RAPGEF6: variants seen among roughly 807,000 people sequenced by gnomAD.
RAPGEF6 encodes Rap guanine nucleotide exchange factor 6.
Under a neutral mutation model 171.4 loss-of-function variants are expected in RAPGEF6, and 56 were observed. The ratio of observed to expected loss-of-function variants is 0.33; its 90% CI spans 0.26 to 0.41. RAPGEF6 has a LOEUF of 0.41. Among genes scored for constraint, RAPGEF6 ranks in the 10% least tolerant of loss-of-function variants. The probability of loss-of-function intolerance (pLI) is 1.00; values close to 1 mark genes in which losing one functional copy is unlikely to be tolerated. For missense variants in RAPGEF6, 1,674 were observed against 1,921.4 expected (o/e 0.87, Z 2.41); for synonymous variants, 692 against 650.1 (o/e 1.06, Z -0.98).
chr5:131,469,862 C>G (rs748991265), intron 17 of RAPGEF6: 1 of 1,471,562 alleles, frequency 6.8e-7, no homozygotes. Context: ...CAATCAAAAA[C>G]AAACTTACAG....
chr5:131,549,160 T>C (rs2149950849), intron 5 of RAPGEF6, among the ~76,000 whole-genome samples: 1 of 152,286 alleles, frequency 6.6e-6, no homozygotes, highest in South Asian at 2.1e-4. Context: ...GCACTGCCTG[T>C]CCAATCACAG....
chr5:131,505,186 T>C (rs1192006610), intron 10 of RAPGEF6, among the ~76,000 whole-genome samples, 178 bp downstream of exon 10: 1 of 152,150 alleles, frequency 6.6e-6, no homozygotes, highest in South Asian at 2.1e-4. Flanking sequence ...TGAAAACTTA[T>C]AGCTTGTTAA....
intron 4 of RAPGEF6, among the ~76,000 whole-genome samples, chr5:131,574,605 C>A (rs1450710730): frequency 6.6e-6 from 1 of 152,104 alleles, no homozygotes; most frequent in Non-Finnish European, 1.5e-5. Context: ...GTTCTCCCCA[C>A]CTGCCCAGTT....
Position 131,427,208 on chromosome 5 carries a change from G to A in RAPGEF6, c.*58C>T, listed in dbSNP as rs1247605931. 12 of 1,504,242 alleles carry A rather than the reference G, an allele frequency of 8.0e-6. No homozygotes were observed. The highest frequency in any genetic ancestry group is 3.4e-5 in the South Asian group (3 of 88,666). The allele number at this position is 1,504,242 out of a possible 1,614,324, so 93.2% of individuals were successfully genotyped here. Reference sequence around the variant, plus strand: ...TAGCAATGGCCTGCAGAATCATGAGGTGGTTCTTGCCCATTCCTCCACGAC... The same window carrying A: ...TAGCAATGGCCTGCAGAATCATGAGATGGTTCTTGCCCATTCCTCCACGAC... On this transcript the variant is annotated 3_prime_UTR_variant, in exon 28 of 28. Coordinates refer to ENST00000509018, the MANE Select transcript of RAPGEF6 (RefSeq NM_016340.6).
chr5:131,594,764 G>A (rs1763795992), intron 3 of RAPGEF6, among the ~76,000 whole-genome samples: 1 of 152,214 alleles, frequency 6.6e-6, no homozygotes, highest in African/African-American at 2.4e-5. Context: ...AGTCAACGGA[G>A]GTTATTTGGA....
At chr5:131,489,101 C>T (rs1379536807) in intron 15 of RAPGEF6, among the ~76,000 whole-genome samples, 2 of 152,156 alleles carry the variant, frequency 1.3e-5, no homozygotes, top group Non-Finnish European at 2.9e-5. Context: ...TAAGTCAATG[C>T]TTTACTCAGT....
chr5:131,635,091 C>A lies in RAPGEF6; in HGVS notation c.-61G>T. On this transcript the variant is annotated 5_prime_UTR_variant, in exon 1 of 28. Coordinates refer to ENST00000509018, the MANE Select transcript of RAPGEF6 (RefSeq NM_016340.6). ...CAGCCCACGCCACAGTTCATTCACA[C>A]TAGGTAGCGGGTGCGGTACCTTTCC... The A allele has an allele frequency of 6.7e-7, 1 of 1,500,192 alleles. No homozygotes were observed. Among genetic ancestry groups the A allele is most frequent in the Non-Finnish European group, 9.0e-7 (1 of 1,112,236 alleles). The allele number at this position is 1,500,192 out of a possible 1,614,324, so 92.9% of individuals were successfully genotyped here. A position where few individuals can be genotyped will look rare whatever the true frequency, so the allele number is the denominator to read the frequency against.
chr5:131,604,143 T>C (rs753929355), intron 2 of RAPGEF6, among the ~76,000 whole-genome samples: 5 of 152,152 alleles, frequency 3.3e-5, no homozygotes, highest in Non-Finnish European at 5.9e-5. Context: ...ACTTGTATAA[T>C]ACAACACTAT....
Position 131,444,824 on chromosome 5 carries a change from T to C in RAPGEF6, c.3421+1659A>G, listed in dbSNP as rs1005296901. Among the ~76,000 whole-genome samples the C allele has an allele frequency of 9.2e-5, 14 of 152,112 alleles. No individual in the cohort carries two copies. The South Asian group carries it at 1.7e-3, about 18-fold the overall frequency. ...TCAAATTACCTGGGAAAAAATAACT[T>C]TGATGATGACTCAAAGCAGGGCCAG... On this transcript the variant is annotated intron_variant, in intron 22 of 27. Coordinates refer to ENST00000509018, the MANE Select transcript of RAPGEF6 (RefSeq NM_016340.6).
intron 1 of RAPGEF6, among the ~76,000 whole-genome samples, chr5:131,613,332 C>T (rs1431512801): frequency 6.6e-6 from 1 of 152,098 alleles, no homozygotes; most frequent in Non-Finnish European, 1.5e-5. Context: ...ATAGTGTGAA[C>T]CCAGGAGGCA....
At chr5:131,566,445 A>G (rs928703481) in intron 4 of RAPGEF6, among the ~76,000 whole-genome samples, 5 of 152,206 alleles carry the variant, frequency 3.3e-5, no homozygotes, top group South Asian at 2.1e-4. Flanking sequence ...TGATCATGGT[A>G]TAAAATACTT....
At chr5:131,531,368 T>C (rs997742189) in intron 6 of RAPGEF6, among the ~76,000 whole-genome samples, 1 of 152,212 alleles carries the variant, frequency 6.6e-6, no homozygotes, top group Admixed American at 6.5e-5. Flanking sequence ...GGCATCAAAT[T>C]ACAGACTATA....
At chr5:131,559,416 T>C (rs1490702580) in intron 5 of RAPGEF6, among the ~76,000 whole-genome samples, 2 of 152,230 alleles carry the variant, frequency 1.3e-5, no homozygotes, top group Non-Finnish European at 2.9e-5. Context: ...AGGACAATTT[T>C]TGTTTTATGT....
At chr5:131,576,005 T>C (rs146153150) in intron 4 of RAPGEF6, among the ~76,000 whole-genome samples, 3 of 152,178 alleles carry the variant, frequency 2.0e-5, no homozygotes, top group Admixed American at 6.5e-5. Flanking sequence ...TTGAAGCATA[T>C]ACTTTCTGCC....
At chr5:131,539,950 G>GA (rs1561546688) in intron 6 of RAPGEF6, among the ~76,000 whole-genome samples, 1 of 152,094 alleles carries the variant, frequency 6.6e-6, no homozygotes, top group African/African-American at 2.4e-5. Flanking sequence ...AGACTAGATG[G>GA]AAAGAAAATA....
At chr5:131,586,628 C>T (rs369066152) in intron 4 of RAPGEF6, among the ~76,000 whole-genome samples, 12 of 150,558 alleles carry the variant, frequency 8.0e-5, no homozygotes, top group Non-Finnish European at 1.6e-4. Context: ...AAGACTCTAT[C>T]TTAAAAAAAA....
chr5:131,630,485 T>C (rs916496928), intron 1 of RAPGEF6, among the ~76,000 whole-genome samples: 2 of 152,196 alleles, frequency 1.3e-5, no homozygotes, highest in African/African-American at 4.8e-5. Context: ...CCTTAACAGT[T>C]TTTGTTGTTT....
Position 131,492,698 on chromosome 5 carries a change from C to T in RAPGEF6, c.1615G>A (p.Glu539Lys), listed in dbSNP as rs752371058. 9 of 1,614,120 alleles carry T rather than the reference C, an allele frequency of 5.6e-6. No individual in the cohort carries two copies. Among genetic ancestry groups the T allele is most frequent in the East Asian group, 2.2e-5 (1 of 44,888 alleles). The change falls in exon 14 of 28, where the codon GAG becomes AAG. Residue 539 changes from glutamate to lysine, a missense_variant. Transcript: ENST00000509018. ...TTAAGGCTGAATTGTAGAGGGGACTCGCGGGAAGCCTTTTGCAGCACAACC... is the reference window on the plus strand; with the variant it reads ...TTAAGGCTGAATTGTAGAGGGGACTTGCGGGAAGCCTTTTGCAGCACAACC... ...RQVVLQKASR[E>K]SPLQFSLNGG...
intron 4 of RAPGEF6, among the ~76,000 whole-genome samples, chr5:131,585,051 A>G (rs1320426528): frequency 6.6e-6 from 1 of 152,192 alleles, no homozygotes; most frequent in Non-Finnish European, 1.5e-5. Context: ...GGGCATAAGG[A>G]AAAGTGTTCA....
Sources: allele counts gnomAD v4.1 joint callset (sites outside exome capture counted in the v4.1 genomes callset), GRCh38; gene constraint gnomAD v4.1.1; transcripts MANE v1.5; gene names NCBI Gene and HGNC (gene_info 2026-07-23, HGNC 2026-07-21).